The following SLC28A1 variants were observed in gnomAD, a reference collection of about 807,000 sequenced individuals.
The protein encoded by SLC28A1 is solute carrier family 28 member 1.
Under a neutral mutation model 74.8 loss-of-function variants are expected in SLC28A1, and 64 were observed. The observed-to-expected ratio is 0.86, with a 90% CI of 0.70 to 1.05. SLC28A1 has a LOEUF of 1.05. Ranked by LOEUF, SLC28A1 falls within the 50% of genes least tolerant of loss-of-function variation. The pLI, the probability that SLC28A1 is intolerant of heterozygous loss-of-function variation, is 0.00. For missense variants in SLC28A1, 828 were observed against 822.8 expected (o/e 1.01, Z -0.08); for synonymous variants, 359 against 335.0 (o/e 1.07, Z -0.78).
intron 16 of SLC28A1, among the ~76,000 whole-genome samples, chr15:84,943,865 C>T (rs1308461508): frequency 6.6e-6 from 1 of 151,866 alleles, no homozygotes; most frequent in Non-Finnish European, 1.5e-5. Flanking sequence ...GATCGCACCA[C>T]TGCACTCCAG....
chr15:84,904,809 G>A (rs3784403), intron 7 of SLC28A1, among the ~76,000 whole-genome samples: 3 of 17,126 alleles, frequency 1.8e-4, no homozygotes, highest in Non-Finnish European at 3.0e-4. Flanking sequence ...ATTCTGATGT[G>A]TACTAAATTC....
chr15:84,911,676 A>G (rs1158962817), intron 9 of SLC28A1, among the ~76,000 whole-genome samples: 2 of 152,050 alleles, frequency 1.3e-5, no homozygotes, highest in Non-Finnish European at 2.9e-5. Context: ...AGCCTGGCCA[A>G]TATGAAACCC....
At chr15:84,888,364 G>A (rs1964851760) in intron 3 of SLC28A1, among the ~76,000 whole-genome samples, 1 of 152,018 alleles carries the variant, frequency 6.6e-6, no homozygotes, top group Non-Finnish European at 1.5e-5. Context: ...GTCTCTTGGG[G>A]TGCTCCTTTC....
chr15:84,932,249 T>C (rs940053776), intron 12 of SLC28A1, among the ~76,000 whole-genome samples: 7 of 152,102 alleles, frequency 4.6e-5, no homozygotes, highest in African/African-American at 1.7e-4. Context: ...GGTCTCCCAT[T>C]GTTAGATGTC....
chr15:84,885,538 C>G (rs1226548894), intron 1 of SLC28A1, among the ~76,000 whole-genome samples: 1 of 151,766 alleles, frequency 6.6e-6, no homozygotes, highest in Non-Finnish European at 1.5e-5. Context: ...TCGAGACCAG[C>G]CTGACCAACA....
chr15:84,932,565 C>T (rs1053037853), intron 12 of SLC28A1, among the ~76,000 whole-genome samples: 9 of 152,186 alleles, frequency 5.9e-5, no homozygotes, highest in African/African-American at 9.7e-5. Context: ...GTGAGTTCCC[C>T]GTCACAGTAA....
intron 9 of SLC28A1, among the ~76,000 whole-genome samples, chr15:84,915,124 C>G (rs751179808): frequency 1.3e-5 from 2 of 152,130 alleles, no homozygotes; most frequent in Non-Finnish European, 2.9e-5. Context: ...CATCTCAGTC[C>G]CAGGAGTGTG....
At chr15:84,974,143 C>G in the SLC28A1 span, among the ~76,000 whole-genome samples, 1 of 152,156 alleles carries the variant, frequency 6.6e-6, no homozygotes, top group Non-Finnish European at 1.5e-5. Flanking sequence ...ACGATCGTTG[C>G]GGCTGACATT....
intron 9 of SLC28A1, among the ~76,000 whole-genome samples, chr15:84,917,380 C>T (rs374065515): frequency 1.5e-4 from 23 of 152,294 alleles, no homozygotes; most frequent in African/African-American, 5.5e-4. Context: ...TGTTGCTGGC[C>T]TCTTGCACAT....
intron 6 of SLC28A1, among the ~76,000 whole-genome samples, chr15:84,902,633 G>A (rs149114186): frequency 4.9e-4 from 74 of 151,964 alleles, no homozygotes; most frequent in Middle Eastern, 3.4e-3. Flanking sequence ...ATGCCAAAAC[G>A]TATCAAATTG....
chr15:84,936,368 G>A (rs374305999), intron 15 of SLC28A1, among the ~76,000 whole-genome samples: 58 of 151,854 alleles, frequency 3.8e-4, no homozygotes, highest in South Asian at 1.3e-3. Context: ...AGTGATTCTC[G>A]TGTCTCAGCC....
chr15:84,962,604 A>G, the SLC28A1 span, among the ~76,000 whole-genome samples: 2 of 151,436 alleles, frequency 1.3e-5, no homozygotes, highest in East Asian at 2.0e-4. Context: ...TGCCTGGCCA[A>G]TGTTTTGTAT....
At chr15:84,955,693 C>A in the SLC28A1 span, among the ~76,000 whole-genome samples, 1 of 152,202 alleles carries the variant, frequency 6.6e-6, no homozygotes, top group Non-Finnish European at 1.5e-5. Context: ...TGCTGGGAGC[C>A]TCTCCCTTTT....
chr15:84,965,863 A>C, the SLC28A1 span, among the ~76,000 whole-genome samples: 2 of 144,180 alleles, frequency 1.4e-5, no homozygotes, highest in South Asian at 4.3e-4. Flanking sequence ...CATACTGAGG[A>C]TCTCACAAGA....
intron 8 of SLC28A1, among the ~76,000 whole-genome samples, chr15:84,908,178 C>CTTTTTTTTTTTTTT (rs71135328): frequency 1.1e-5 from 1 of 91,358 alleles, no homozygotes; most frequent in African/African-American, 4.8e-5. Flanking sequence ...CAGAGCATTT[C>CTTTTTTTTTTTTTT]TTTTTTTTTT....
chr15:84,961,582 C>G, the SLC28A1 span: 1 of 446,332 alleles, frequency 2.2e-6, no homozygotes, highest in East Asian at 7.1e-5. Flanking sequence ...CTTAAATGAT[C>G]CTACTGCCTT....
chr15:84,934,586 G>A (rs1971669006), intron 13 of SLC28A1, among the ~76,000 whole-genome samples: 1 of 152,196 alleles, frequency 6.6e-6, no homozygotes, highest in African/African-American at 2.4e-5. Context: ...AATGTAATGT[G>A]AGGCGCCTGT....
chr15:84,899,910 A>AGAAAGAGG (rs1555444945), intron 6 of SLC28A1, among the ~76,000 whole-genome samples: 15 of 147,570 alleles, frequency 1.0e-4, no homozygotes, highest in African/African-American at 3.7e-4. Context: ...AGAAAGAAAG[A>AGAAAGAGG]GAAAGAGGGA....
At chr15:84,972,720 C>T in the SLC28A1 span, among the ~76,000 whole-genome samples, 1 of 152,318 alleles carries the variant, frequency 6.6e-6, no homozygotes, top group African/African-American at 2.4e-5. Context: ...AGACATTCTC[C>T]AATTTCCACG....
Sources: allele counts gnomAD v4.1 joint callset (sites outside exome capture counted in the v4.1 genomes callset), GRCh38; gene constraint gnomAD v4.1.1; transcripts MANE v1.5; gene names NCBI Gene and HGNC (gene_info 2026-07-23, HGNC 2026-07-21).